CLEC16A: variants seen among roughly 807,000 people sequenced by gnomAD.
CLEC16A encodes protein CLEC16A.
A neutral mutation model predicts 109.5 loss-of-function variants in CLEC16A; 51 were observed. That is an observed-to-expected ratio of 0.47 (90% CI 0.37 to 0.59). The LOEUF (loss-of-function observed/expected upper bound fraction) is 0.59, where lower values mean the gene tolerates loss of function less well. CLEC16A is among the 20% of genes least tolerant of loss of function. The probability of loss-of-function intolerance (pLI) is 0.00; values close to 1 mark genes in which losing one functional copy is unlikely to be tolerated. For missense variants in CLEC16A, 1,339 were observed against 1,394.0 expected, an observed-to-expected ratio of 0.96 and a Z score of 0.63; for synonymous variants, 673 against 564.2, an observed-to-expected ratio of 1.19 and a Z score of -2.73.
chr16:10,977,188 T>C, intron 7 of CLEC16A, 37 bp from the exon 8 acceptor site: 1 of 1,598,242 alleles, frequency 6.3e-7, no homozygotes, highest in Non-Finnish European at 8.5e-7. Flanking sequence ...GCTCCTAGTG[T>C]TGGCCTCCAG....
Position 10,977,265 on chromosome 16 carries a change from C to A in CLEC16A, c.769C>A (p.His257Asn). The A allele has an allele frequency of 6.2e-7, 1 of 1,613,962 alleles. No homozygotes were observed. Among genetic ancestry groups the A allele is most frequent in the Non-Finnish European group, 8.5e-7 (1 of 1,179,868 alleles). ...RGKLSDLVAE[H>N]LDHLHYLNDI... ...TAAACTGAGTGATCTGGTGGCAGAG[C>A]ACCTAGACCACCTGCACTATCTCAA... The change falls in exon 8 of 24, where the codon CAC becomes AAC. Residue 257 changes from histidine (H) to asparagine (N), a missense_variant. This residue lies in a region of CLEC16A where 161 missense variants were observed against 267.1 expected (regional missense o/e 0.60). Transcript: ENST00000409790.
intron 11 of CLEC16A, among the ~76,000 whole-genome samples, chr16:11,005,047 A>G (rs1477447835): frequency 6.6e-6 from 1 of 152,086 alleles, no homozygotes; most frequent in African/African-American, 2.4e-5. Flanking sequence ...GGACATCTTC[A>G]CCTCATTTTG....
chr16:11,063,778 C>G (rs1189050389), intron 19 of CLEC16A, among the ~76,000 whole-genome samples: 1 of 152,100 alleles, frequency 6.6e-6, no homozygotes, highest in Non-Finnish European at 1.5e-5. Context: ...CACCACTCAG[C>G]AAAGAGGCAA....
intron 11 of CLEC16A, among the ~76,000 whole-genome samples, chr16:11,018,576 T>C (rs1021666392): frequency 3.3e-5 from 5 of 151,946 alleles, no homozygotes; most frequent in Admixed American, 6.6e-5. Context: ...GGTGAAACCC[T>C]GTCTGTAATA....
intron 19 of CLEC16A, among the ~76,000 whole-genome samples, chr16:11,106,132 G>C (rs2051205196): frequency 6.6e-6 from 1 of 152,208 alleles, no homozygotes; most frequent in Non-Finnish European, 1.5e-5. Flanking sequence ...TGTCAAATCT[G>C]TTGTAATTTG....
intron 19 of CLEC16A, among the ~76,000 whole-genome samples, chr16:11,088,565 G>A (rs2050134041): frequency 1.3e-5 from 2 of 152,186 alleles, no homozygotes; most frequent in South Asian, 4.1e-4. Flanking sequence ...CTCAGGGAGT[G>A]GGATTTGTGC....
intron 19 of CLEC16A, among the ~76,000 whole-genome samples, chr16:11,101,463 GCACTCTGCGTGTCA>G (rs1012520357): frequency 5.3e-5 from 8 of 152,130 alleles, no homozygotes; most frequent in African/African-American, 1.4e-4. Flanking sequence ...CTTGACTGTC[GCACTCTGCGTGTCA>G]CACTCTGCGT....
intron 22 of CLEC16A, among the ~76,000 whole-genome samples, chr16:11,130,247 T>C (rs2053113914): frequency 6.6e-6 from 1 of 152,196 alleles, no homozygotes; most frequent in African/African-American, 2.4e-5. Flanking sequence ...AGAATGAGCC[T>C]GCATTTGTTA....
At chr16:10,991,444 AAAAG>A (rs2044004902) in intron 10 of CLEC16A, among the ~76,000 whole-genome samples, 1 of 151,338 alleles carries the variant, frequency 6.6e-6, no homozygotes, top group Non-Finnish European at 1.5e-5. Flanking sequence ...AAAAAAAAAA[AAAAG>A]AACAGCCAGT....
intron 2 of CLEC16A, among the ~76,000 whole-genome samples, chr16:10,962,187 G>A (rs537168743): frequency 5.3e-5 from 8 of 152,018 alleles, no homozygotes; most frequent in South Asian, 2.1e-4. Flanking sequence ...GGCCTCAAGC[G>A]ATCATCCTGC....
chr16:11,087,662 C>A (rs1448672953), intron 19 of CLEC16A, among the ~76,000 whole-genome samples: 1 of 152,244 alleles, frequency 6.6e-6, no homozygotes, highest in Non-Finnish European at 1.5e-5. Context: ...ACCAACACTT[C>A]TTCCAGGAGG....
At position 11,035,300 on chromosome 16, in the gene CLEC16A, G is replaced by A. The variant is rs191670053; in HGVS notation, c.1538-4454G>A. Among the ~76,000 whole-genome samples, 620 of 152,230 alleles carry A rather than the reference G, an allele frequency of 4.1e-3. 6 individuals carry two copies. The highest frequency in any genetic ancestry group is 0.014 in the African/African-American group (588 of 41,540). ...TGTCATATGGTGGCTTCTATTTTAC[G>A]TATGTTTCCCCTTCATTTTGAGATT... On this transcript the variant is annotated intron_variant, in intron 13 of 23. Transcript: ENST00000409790.
intron 3 of CLEC16A, among the ~76,000 whole-genome samples, chr16:10,968,262 A>G (rs117924745): frequency 0.018 from 2,731 of 152,360 alleles, 41 homozygotes; most frequent in Non-Finnish European, 0.027. Flanking sequence ...GCTAGTAGAC[A>G]TGTTTTTGCC....
chr16:11,116,721 G>T (rs1328284614), intron 19 of CLEC16A, among the ~76,000 whole-genome samples: 7 of 152,194 alleles, frequency 4.6e-5, no homozygotes, highest in Non-Finnish European at 1.5e-5. Context: ...CATGAGCCCA[G>T]TTTGTTATCG....
At chr16:11,133,521 CTT>C (rs2053370081) in intron 22 of CLEC16A, among the ~76,000 whole-genome samples, 1 of 152,010 alleles carries the variant, frequency 6.6e-6, no homozygotes, top group Non-Finnish European at 1.5e-5. Context: ...AGCTGAGTAA[CTT>C]AGGAAGAATG....
At chr16:10,975,746 A>G (rs1398777721) in intron 7 of CLEC16A, among the ~76,000 whole-genome samples, 2 of 152,014 alleles carry the variant, frequency 1.3e-5, no homozygotes, top group African/African-American at 4.8e-5. Flanking sequence ...TCCCAGATTC[A>G]AGTGATTCTT....
chr16:11,011,797 T>C (rs1258049874), intron 11 of CLEC16A, among the ~76,000 whole-genome samples: 1 of 152,200 alleles, frequency 6.6e-6, no homozygotes, highest in Non-Finnish European at 1.5e-5. Flanking sequence ...CATATGTTCA[T>C]ACCAGTACCC....
At chr16:11,063,750 G>A (rs1159077598) in intron 19 of CLEC16A, among the ~76,000 whole-genome samples, 2 of 152,162 alleles carry the variant, frequency 1.3e-5, no homozygotes, top group Admixed American at 1.3e-4. Flanking sequence ...TTCTCATGGG[G>A]AGCATTAAAG....
chr16:11,060,862 G>A, intron 18 of CLEC16A, 40 bp from the exon 19 acceptor site: 1 of 1,543,786 alleles, frequency 6.5e-7, no homozygotes. Flanking sequence ...AAATGACTCT[G>A]CAATCTCACT....
Sources: gnomAD v4.1 joint callset for allele counts (sites outside exome capture counted in the v4.1 genomes callset) on GRCh38, gnomAD v4.1.1 for gene constraint, gnomAD v4.1.1 regional missense constraint, MANE v1.5 for transcripts, NCBI Gene and HGNC (gene_info 2026-07-23, HGNC 2026-07-21) for gene names.